The following CEPT1 variants were observed in gnomAD, a reference collection of about 807,000 sequenced individuals.
The protein encoded by CEPT1 is choline/ethanolaminephosphotransferase 1.
In CEPT1, 7 loss-of-function variants were observed where a neutral mutation model predicts 42.6. The ratio of observed to expected loss-of-function variants is 0.16; its 90% CI spans 0.09 to 0.31. CEPT1 has a LOEUF of 0.31. Ranked by LOEUF, CEPT1 falls within the 10% of genes least tolerant of loss-of-function variation. The pLI is 1.00. For missense variants in CEPT1, 306 were observed against 502.1 expected, an observed-to-expected ratio of 0.61 and a Z score of 3.73; for synonymous variants, 171 against 171.9, an observed-to-expected ratio of 0.99 and a Z score of 0.04.
At chr1:111,170,946 A>G (rs927982582) in intron 4 of CEPT1, among the ~76,000 whole-genome samples, 4 of 152,218 alleles carry the variant, frequency 2.6e-5, no homozygotes, top group African/African-American at 7.2e-5. Context: ...TAAATTTACT[A>G]TTTATAGTTT....
At chr1:111,184,087 A>T in intron 8 of CEPT1, 104 bp from the exon 9 acceptor site, 1 of 1,134,284 alleles carries the variant, frequency 8.8e-7, no homozygotes, top group Admixed American at 2.4e-5. Flanking sequence ...TATTTTATGG[A>T]ATGGAAGGTG....
intron 8 of CEPT1, among the ~76,000 whole-genome samples, 161 bp downstream of exon 8, chr1:111,183,748 A>G (rs1657113803): frequency 6.6e-6 from 1 of 152,146 alleles, no homozygotes; most frequent in African/African-American, 2.4e-5. Flanking sequence ...CTATGGCTTT[A>G]TATTTGAGCC....
intron 4 of CEPT1, among the ~76,000 whole-genome samples, chr1:111,165,548 T>A (rs938269559): frequency 2.0e-5 from 3 of 152,190 alleles, no homozygotes; most frequent in African/African-American, 4.8e-5. Flanking sequence ...CTCGTAACTT[T>A]CATGGGCCTC....
intron 5 of CEPT1, 105 bp downstream of exon 5, chr1:111,175,068 A>T: frequency 2.7e-6 from 2 of 754,582 alleles, no homozygotes; most frequent in Non-Finnish European, 4.7e-6. Context: ...AAATTCTTTT[A>T]TTTTTTTCCA....
chr1:111,175,547 A>G (rs1656632838), intron 5 of CEPT1, among the ~76,000 whole-genome samples: 1 of 152,182 alleles, frequency 6.6e-6, no homozygotes, highest in African/African-American at 2.4e-5. Context: ...CTCTGGAACC[A>G]GACTGTGTGC....
intron 5 of CEPT1, chr1:111,181,883 C>G (rs1657012288): frequency 5.4e-6 from 1 of 186,116 alleles, no homozygotes; most frequent in Non-Finnish European, 1.1e-5. Context: ...TTCACTGTTG[C>G]AAGACCACTG....
chr1:111,168,646 G>T (rs1656261913), intron 4 of CEPT1, among the ~76,000 whole-genome samples: 1 of 151,942 alleles, frequency 6.6e-6, no homozygotes, highest in Non-Finnish European at 1.5e-5. Flanking sequence ...CCACCACCAT[G>T]CCCAGCTAAT....
chr1:111,183,529 T>C lies in CEPT1; in HGVS notation c.1073T>C (p.Phe358Ser). The stretch of plus-strand genomic sequence containing the variant: ...GCATTCATAGGTCCGGCACTTTTGT[T>C]TCTGGACCAGTATTTTAACAGCTTT... ...DTAFIGPALL[F>S]LDQYFNSFID... Residue 358 changes from phenylalanine to serine, a missense_variant, in exon 8 of 9, where the codon TTT becomes TCT. Around this residue, in one of 2 missense-constraint regions of CEPT1, gnomAD observed 253 missense variants for 447.3 expected, o/e 0.57. Transcript: ENST00000357172. The C allele has an allele frequency of 6.2e-7, 1 of 1,613,678 alleles. No individual in the cohort carries two copies. The highest frequency in any genetic ancestry group is 8.5e-7 in the Non-Finnish European group (1 of 1,179,576).
intron 5 of CEPT1, among the ~76,000 whole-genome samples, chr1:111,177,492 T>C (rs1271374414): frequency 6.6e-6 from 1 of 152,212 alleles, no homozygotes; most frequent in East Asian, 1.9e-4. Context: ...TAATTATTTG[T>C]TATAAATATG....
At chr1:111,149,449 G>A (rs542297978) in intron 2 of CEPT1, among the ~76,000 whole-genome samples, 2 of 152,180 alleles carry the variant, frequency 1.3e-5, no homozygotes, top group African/African-American at 4.8e-5. Flanking sequence ...TTGTAGTAGA[G>A]ACAGGGCTTC....
intron 1 of CEPT1, among the ~76,000 whole-genome samples, chr1:111,140,817 C>G (rs943920830): frequency 1.3e-5 from 2 of 152,184 alleles, no homozygotes; most frequent in Admixed American, 1.3e-4. Context: ...TTCTGGTCAG[C>G]AACTTTTCTG....
At chr1:111,154,240 T>C (rs1181289255) in intron 2 of CEPT1, among the ~76,000 whole-genome samples, 1 of 128,490 alleles carries the variant, frequency 7.8e-6, no homozygotes, top group Admixed American at 7.9e-5. Flanking sequence ...TTTTATTTTA[T>C]TTTATTTTAT....
rs193032493 is a variant in CEPT1, at chr1:111,155,445, T to C, written c.340-3935T>C. Among the ~76,000 whole-genome samples the C allele has an allele frequency of 1.7e-3, 251 of 150,422 alleles. 1 individual carries two copies. Among genetic ancestry groups the C allele is most frequent in the Non-Finnish European group, 3.3e-3 (223 of 67,492 alleles). On this transcript the variant is annotated intron_variant, in intron 2 of 8. Coordinates refer to ENST00000357172, the MANE Select transcript of CEPT1 (RefSeq NM_006090.5). The stretch of plus-strand genomic sequence containing the variant: ...AAAAACCAACTTTTCATTTTATCAT[T>C]TGTGTGTGTGTGTGTGTATACACAC...
intron 3 of CEPT1, 109 bp downstream of exon 3, chr1:111,159,636 A>T: frequency 1.2e-6 from 1 of 800,866 alleles, no homozygotes; most frequent in Non-Finnish European, 1.8e-6. Context: ...TTTGTATTAA[A>T]TTTTAGTATT....
chr1:111,162,214 C>A (rs1340582809), intron 4 of CEPT1, among the ~76,000 whole-genome samples: 1 of 152,178 alleles, frequency 6.6e-6, no homozygotes, highest in Non-Finnish European at 1.5e-5. Flanking sequence ...TTAGAAAGAT[C>A]AGTCTGGCAG....
chr1:111,182,899 C>T lies in CEPT1; in HGVS notation c.947C>T (p.Pro316Leu). The T allele has an allele frequency of 6.2e-7, 1 of 1,613,678 alleles. No homozygotes were observed. The highest frequency in any genetic ancestry group is 8.5e-7 in the Non-Finnish European group (1 of 1,179,672). ...KSAVQLFEKH[P>L]CLYILTFGFV... ...GCAGTTCAGCTTTTTGAAAAGCATC[C>T]CTGTCTTTATATACTGACATTTGGT... The change falls in exon 7 of 9, where the codon CCC (proline) becomes CTC (leucine). Residue 316 changes from proline to leucine, a missense_variant. Around this residue, in one of 2 missense-constraint regions of CEPT1, gnomAD observed 253 missense variants for 447.3 expected, o/e 0.57. Coordinates refer to ENST00000357172, the MANE Select transcript of CEPT1 (RefSeq NM_006090.5).
intron 2 of CEPT1, among the ~76,000 whole-genome samples, chr1:111,157,271 T>C (rs904899667): frequency 1.3e-5 from 2 of 152,098 alleles, no homozygotes; most frequent in Admixed American, 6.5e-5. Flanking sequence ...CGGAGCAACA[T>C]TTTGCCCCAT....
intron 2 of CEPT1, among the ~76,000 whole-genome samples, chr1:111,152,390 C>T (rs572392730): frequency 1.3e-5 from 2 of 152,030 alleles, no homozygotes; most frequent in Admixed American, 6.5e-5. Flanking sequence ...AAAGTAAAAT[C>T]TTCCCTTTTT....
At chr1:111,174,319 G>A (rs1656567734) in intron 4 of CEPT1, among the ~76,000 whole-genome samples, 1 of 151,834 alleles carries the variant, frequency 6.6e-6, no homozygotes, top group Non-Finnish European at 1.5e-5. Context: ...AAGTCTCAGA[G>A]TAGTTAACCT....
Sources: allele counts gnomAD v4.1 joint callset (sites outside exome capture counted in the v4.1 genomes callset), GRCh38; gene constraint gnomAD v4.1.1; regional missense constraint gnomAD v4.1.1; transcripts MANE v1.5; gene names NCBI Gene and HGNC (gene_info 2026-07-23, HGNC 2026-07-21).